Variants in ANKRD27 observed in about 807,000 individuals in gnomAD.
ANKRD27 encodes ankyrin repeat domain 27.
A neutral mutation model predicts 129.7 loss-of-function variants in ANKRD27; 112 were observed. That is an observed-to-expected ratio of 0.86 (90% confidence interval 0.74 to 1.01). ANKRD27 has a LOEUF of 1.01. ANKRD27 is among the 50% of genes least tolerant of loss of function. The probability of loss-of-function intolerance (pLI) is 0.00; values close to 1 mark genes in which losing one functional copy is unlikely to be tolerated. For synonymous variants in ANKRD27, 516 were observed against 511.2 expected, an observed-to-expected ratio of 1.01 and a Z score of -0.13; for missense variants, 1,258 against 1,300.5, an observed-to-expected ratio of 0.97 and a Z score of 0.50.
intron 22 of ANKRD27, chr19:32,608,429 C>T (rs902871426): frequency 1.2e-4 from 45 of 365,192 alleles, no homozygotes; most frequent in African/African-American, 8.8e-4. Flanking sequence ...CTGTTTAAAC[C>T]ACCGCTATAA....
rs148220077 is a variant in ANKRD27, at chr19:32,607,737, C to G, written c.2271G>C (p.Ala757=). The G allele has an allele frequency of 6.2e-7, 1 of 1,612,892 alleles. No individual in the cohort carries two copies. Among genetic ancestry groups the G allele is most frequent in the Non-Finnish European group, 8.5e-7 (1 of 1,179,640 alleles). ...GCTTCAGCAGGAGGGGGATGAGGTC[C>G]GCCCGGCCGTGCAGGGCGGCGACAT... ...PLHVAALHGR[A]DLIPLLLKHG... The change falls in exon 23 of 29, where the codon GCG becomes GCC. Residue 757 remains alanine (A), a synonymous_variant. Transcript: ENST00000306065.
intron 18 of ANKRD27, among the ~76,000 whole-genome samples, chr19:32,620,149 G>A (rs1213214035): frequency 3.3e-5 from 5 of 152,016 alleles, no homozygotes; most frequent in Non-Finnish European, 5.9e-5. Flanking sequence ...TATTCAGGGG[G>A]TACAGCCGGA....
chr19:32,635,004 A>G lies in ANKRD27; in HGVS notation c.1117-3510T>C, dbSNP rs17760202. Among the ~76,000 whole-genome samples, 2,614 of 152,276 alleles carry G rather than the reference A, an allele frequency of 0.017. 136 individuals carry two copies. In the East Asian group the frequency reaches 0.21, roughly 12 times the overall value. ...AAATATTACTGCCAATGTGCCTGCA[A>G]TATTTTCTGAAATAAAAGGAGGTGT... On this transcript the variant is annotated intron_variant, in intron 12 of 28. Transcript: ENST00000306065.
In ANKRD27 at chr19:32,598,380, TAAAGA is replaced by T. The variant is rs1223479978; in HGVS notation, c.2920-7_2920-3del. 6.2e-7 allele frequency: 1 copy of T among 1,614,064 alleles called. No homozygotes were observed. The highest frequency in any genetic ancestry group is 1.7e-5 in the Admixed American group (1 of 60,020). On this transcript the variant is annotated splice_polypyrimidine_tract_variant and splice_region_variant and intron_variant, in intron 28 of 28. Transcript: ENST00000306065. ...CAGTGTGACACTTTGCCTCCCTGGC[TAAAGA>T]AAAAGTACATTTTTAACCGTTGACG... is the stretch of plus-strand genomic sequence containing the variant.
chr19:32,642,252 A>G (rs1189823705), intron 9 of ANKRD27, 107 bp from the exon 10 acceptor site: 2 of 1,177,314 alleles, frequency 1.7e-6, no homozygotes, highest in Non-Finnish European at 2.3e-6. Flanking sequence ...ACAAACCAGA[A>G]GGAATGAAAC....
intron 5 of ANKRD27, among the ~76,000 whole-genome samples, chr19:32,643,993 G>T (rs1299045510): frequency 6.6e-6 from 1 of 151,908 alleles, no homozygotes; most frequent in African/African-American, 2.4e-5. Flanking sequence ...TCCCACCTCG[G>T]CCTCCCAAGT....
At chr19:32,634,662 T>A (rs1443212087) in intron 12 of ANKRD27, among the ~76,000 whole-genome samples, 2 of 152,148 alleles carry the variant, frequency 1.3e-5, no homozygotes, top group Non-Finnish European at 2.9e-5. Flanking sequence ...GTACCTGTAA[T>A]CCCAGCACTT....
intron 3 of ANKRD27, among the ~76,000 whole-genome samples, chr19:32,648,798 C>CA (rs34589766): frequency 0.18 from 18,264 of 99,838 alleles, 2,865 homozygotes; most frequent in African/African-American, 0.45. Flanking sequence ...GATTCCATCT[C>CA]AAAAAAAAAA....
At chr19:32,614,879 T>C (rs1233621210) in intron 22 of ANKRD27, among the ~76,000 whole-genome samples, 3 of 152,166 alleles carry the variant, frequency 2.0e-5, no homozygotes, top group African/African-American at 7.2e-5. Context: ...TCAATGTTGA[T>C]ATCCTGGCTG....
intron 2 of ANKRD27, among the ~76,000 whole-genome samples, chr19:32,655,884 G>C (rs550085294): frequency 6.6e-6 from 1 of 151,944 alleles, no homozygotes; most frequent in African/African-American, 2.4e-5. Flanking sequence ...CAGGCATGGT[G>C]GTGGGTGTCT....
chr19:32,618,314 C>A (rs1372971228), intron 20 of ANKRD27, among the ~76,000 whole-genome samples: 1 of 151,748 alleles, frequency 6.6e-6, no homozygotes, highest in South Asian at 2.1e-4. Flanking sequence ...TAGAAAAATA[C>A]ACTTAGCTAA....
rs748814631 is a variant in ANKRD27, at chr19:32,598,285, T to C, written c.3013A>G (p.Arg1005Gly). 5.0e-6 allele frequency: 8 copies of C among 1,614,176 alleles called. No individual in the cohort carries two copies. Among genetic ancestry groups the C allele is most frequent in the Middle Eastern group, 1.6e-4 (1 of 6,062 alleles). Residue 1005 changes from arginine (R) to glycine (G), a missense_variant, in exon 29 of 29, where the codon AGG becomes GGG. Coordinates refer to ENST00000306065, the MANE Select transcript of ANKRD27 (RefSeq NM_032139.3). ...AEKGNSDWPERPGLTQTGPGH... is the reference protein window; with the variant it reads ...AEKGNSDWPEGPGLTQTGPGH... ...GGGCCAGTCTGTGTCAGTCCAGGCC[T>C]CTCTGGCCAGTCGCTGTTGCCTTTC... is the stretch of plus-strand genomic sequence containing the variant.
intron 3 of ANKRD27, among the ~76,000 whole-genome samples, chr19:32,649,103 A>T (rs1229366729): frequency 6.6e-6 from 1 of 151,778 alleles, no homozygotes; most frequent in Non-Finnish European, 1.5e-5. Flanking sequence ...AGTAGCTAGG[A>T]CTAGAAGCAC....
At chr19:32,668,732 G>A (rs895127365) in intron 1 of ANKRD27, among the ~76,000 whole-genome samples, 5 of 151,554 alleles carry the variant, frequency 3.3e-5, no homozygotes, top group African/African-American at 1.2e-4. Context: ...TTACAGGCGT[G>A]AGCCACCGTG....
intron 4 of ANKRD27, 101 bp from the exon 5 acceptor site, chr19:32,644,580 G>T: frequency 7.4e-7 from 1 of 1,350,068 alleles, no homozygotes; most frequent in Non-Finnish European, 1.0e-6. Context: ...GAGGGCAAAT[G>T]TCCTTATTTC....
At chr19:32,653,734 G>T (rs1215442003) in intron 2 of ANKRD27, among the ~76,000 whole-genome samples, 2 of 150,626 alleles carry the variant, frequency 1.3e-5, no homozygotes, top group African/African-American at 4.9e-5. Context: ...TGGCGTGGCG[G>T]GGGCGGGGAC....
intron 18 of ANKRD27, among the ~76,000 whole-genome samples, chr19:32,620,756 G>A (rs777118885): frequency 7.9e-5 from 12 of 151,782 alleles, no homozygotes; most frequent in African/African-American, 1.5e-4. Context: ...GTGTGGTGGC[G>A]CATGCCTGTA....
chr19:32,608,005 CTTT>C (rs35228145), intron 22 of ANKRD27, among the ~76,000 whole-genome samples, 173 bp from the exon 23 acceptor site: 2 of 143,496 alleles, frequency 1.4e-5, no homozygotes, highest in Non-Finnish European at 1.5e-5. Context: ...AAACAACTTC[CTTT>C]TTTTTTTTTT....
intron 23 of ANKRD27, among the ~76,000 whole-genome samples, chr19:32,606,939 CAAAAAAAAAAAAAAAAAAAAAA>C (rs532062312): frequency 7.6e-5 from 5 of 65,626 alleles, no homozygotes; most frequent in African/African-American, 2.5e-4. Flanking sequence ...CCCATCTCCA[CAAAAAAAAAAAAAAAAAAAAAA>C]AAAAAAAAAA....
Sources: allele counts gnomAD v4.1 joint callset (sites outside exome capture counted in the v4.1 genomes callset), GRCh38; gene constraint gnomAD v4.1.1; transcripts MANE v1.5; gene names NCBI Gene and HGNC (gene_info 2026-07-23, HGNC 2026-07-21).